COL11A1: variants seen among roughly 807,000 people sequenced by gnomAD.
COL11A1 encodes the protein collagen alpha-1(XI) chain.
A neutral mutation model predicts 265.2 loss-of-function variants in COL11A1; 74 were observed. That is an observed-to-expected ratio of 0.28 (90% CI 0.23 to 0.34). COL11A1 has a LOEUF of 0.34. Among genes scored for constraint, COL11A1 ranks in the 10% least tolerant of loss-of-function variants. COL11A1 has a pLI of 1.00. For synonymous variants in COL11A1, 816 were observed against 727.6 expected (o/e 1.12, Z -1.96); for missense variants, 2,165 against 2,263.6 (o/e 0.96, Z 0.88).
intron 58 of COL11A1, 138 bp from the exon 59 acceptor site, chr1:102,889,700 T>C (rs1651502504): frequency 4.4e-6 from 3 of 689,546 alleles, no homozygotes; most frequent in Non-Finnish European, 7.6e-6. Flanking sequence ...AATACCCTTC[T>C]GAATGAAATA....
At chr1:102,993,457 C>T (rs1188827448) in intron 28 of COL11A1, among the ~76,000 whole-genome samples, 1 of 152,072 alleles carries the variant, frequency 6.6e-6, no homozygotes, top group Non-Finnish European at 1.5e-5. Flanking sequence ...TTTAAATCAC[C>T]TCTAGAATAC....
At chr1:103,104,975 C>T (rs1226664443) in intron 1 of COL11A1, among the ~76,000 whole-genome samples, 2 of 152,138 alleles carry the variant, frequency 1.3e-5, no homozygotes, top group Admixed American at 6.5e-5. Context: ...CGATTCCTGA[C>T]AAGCTTCCAA....
rs72985788 is a variant in COL11A1, at chr1:102,992,215, A to G, written c.2341-2644T>C. On this transcript the variant is annotated intron_variant, in intron 28 of 66. Transcript: ENST00000370096. ...TTAATTAGGTATTTCCTTATAACAA[A>G]TGTCATTTTTTAGCAAGTGACGTAT... Among the ~76,000 whole-genome samples, 1,136 of 152,236 alleles carry G rather than the reference A, an allele frequency of 7.5e-3. 8 individuals carry two copies. Among genetic ancestry groups the G allele is most frequent in the African/African-American group, 0.026 (1,077 of 41,560 alleles).
Position 102,888,710 on chromosome 1 carries a change from G to GA in COL11A1, c.4554+12dup, listed in dbSNP as rs1256804074. ...CAATGCAAAATTAAATTGTCAAAGG[G>GA]AAAAGTACTTACAGTAGAGCCTTTG... On this transcript the variant is annotated intron_variant, in intron 61 of 66. Coordinates refer to ENST00000370096, the MANE Select transcript of COL11A1 (RefSeq NM_001854.4). The GA allele has an allele frequency of 1.2e-6, 2 of 1,613,788 alleles. No homozygotes were observed. The highest frequency in any genetic ancestry group is 1.7e-6 in the Non-Finnish European group (2 of 1,179,880).
chr1:103,025,839 TTTC>T, intron 6 of COL11A1: 2 of 1,613,654 alleles, frequency 1.2e-6, no homozygotes, highest in African/African-American at 1.3e-5. Flanking sequence ...CTTGATAACT[TTTC>T]TTCTTCTTGG....
At chr1:102,970,058 T>A (rs977364541) in intron 37 of COL11A1, among the ~76,000 whole-genome samples, 161 bp downstream of exon 37, 14 of 150,674 alleles carry the variant, frequency 9.3e-5, no homozygotes, top group African/African-American at 2.9e-4. Flanking sequence ...ATTTTTGTAT[T>A]TATATATATA....
At chr1:102,893,941 G>T (rs1652074363) in intron 57 of COL11A1, among the ~76,000 whole-genome samples, 1 of 151,892 alleles carries the variant, frequency 6.6e-6, no homozygotes, top group Non-Finnish European at 1.5e-5. Context: ...AGTTTTTATT[G>T]TTTAAAAAAT....
intron 41 of COL11A1, among the ~76,000 whole-genome samples, chr1:102,951,092 T>C (rs1038881438): frequency 6.6e-6 from 1 of 152,174 alleles, no homozygotes; most frequent in Non-Finnish European, 1.5e-5. Context: ...AATTATCTAG[T>C]CTCGGGCAGT....
At chr1:102,893,852 A>G (rs1009952105) in intron 57 of COL11A1, among the ~76,000 whole-genome samples, 1 of 152,168 alleles carries the variant, frequency 6.6e-6, no homozygotes, top group African/African-American at 2.4e-5. Context: ...AATGCTACCC[A>G]TATCACCCTT....
At chr1:102,967,227 C>CTTTTTTTTTTT (rs35303945) in intron 37 of COL11A1, among the ~76,000 whole-genome samples, 626 of 52,762 alleles carry the variant, frequency 0.012, 219 homozygotes, top group East Asian at 0.031. Flanking sequence ...ATAATAAATT[C>CTTTTTTTTTTT]TTTTTTTTTT....
At chr1:103,021,364 G>T (rs935634769) in intron 9 of COL11A1, among the ~76,000 whole-genome samples, 5 of 152,020 alleles carry the variant, frequency 3.3e-5, no homozygotes, top group African/African-American at 1.2e-4. Flanking sequence ...AAGTAGGAAA[G>T]CTAAAAGTCC....
chr1:102,911,754 C>A (rs1318137564), intron 54 of COL11A1, among the ~76,000 whole-genome samples: 2 of 152,130 alleles, frequency 1.3e-5, no homozygotes, highest in African/African-American at 4.8e-5. Context: ...TTCCTGAGCT[C>A]ATTTCACCTC....
intron 41 of COL11A1, among the ~76,000 whole-genome samples, chr1:102,949,413 A>C (rs2101442414): frequency 6.6e-6 from 1 of 152,172 alleles, no homozygotes; most frequent in South Asian, 2.1e-4. Context: ...TCGGGCCATA[A>C]AATTTTTCTC....
chr1:103,044,238 G>T (rs183699675), intron 4 of COL11A1, among the ~76,000 whole-genome samples: 39 of 150,396 alleles, frequency 2.6e-4, no homozygotes, highest in African/African-American at 7.8e-4. Flanking sequence ...GTAAAGGAAA[G>T]TTGCCAAAAT....
chr1:102,899,714 C>T (rs1026016059), intron 54 of COL11A1, among the ~76,000 whole-genome samples: 2 of 151,946 alleles, frequency 1.3e-5, no homozygotes, highest in African/African-American at 2.4e-5. Flanking sequence ...TTTTTCCATT[C>T]ATTTACCTTA....
chr1:103,067,726 G>T (rs1228808514), intron 4 of COL11A1, among the ~76,000 whole-genome samples: 1 of 151,400 alleles, frequency 6.6e-6, no homozygotes, highest in East Asian at 1.9e-4. Flanking sequence ...GATCTGGGGG[G>T]AAAATACAAA....
At chr1:102,956,982 G>A (rs925197654) in intron 41 of COL11A1, among the ~76,000 whole-genome samples, 3 of 151,496 alleles carry the variant, frequency 2.0e-5, no homozygotes, top group African/African-American at 4.8e-5. Context: ...GCTATGGTTA[G>A]CAAGAGATTT....
At chr1:103,089,506 T>G (rs1673141086) in intron 1 of COL11A1, among the ~76,000 whole-genome samples, 1 of 152,326 alleles carries the variant, frequency 6.6e-6, no homozygotes, top group African/African-American at 2.4e-5. Context: ...TCACATCAGC[T>G]AATATTTTTC....
intron 1 of COL11A1, 107 bp downstream of exon 1, chr1:103,107,961 CTTTTT>C: frequency 1.4e-6 from 1 of 708,020 alleles, no homozygotes; most frequent in Non-Finnish European, 2.4e-6. Flanking sequence ...AAGGGAATTG[CTTTTT>C]TTTTTTTTTC....
Sources: gnomAD v4.1 joint callset for allele counts (sites outside exome capture counted in the v4.1 genomes callset) on GRCh38, gnomAD v4.1.1 for gene constraint, MANE v1.5 for transcripts, NCBI Gene and HGNC (gene_info 2026-07-23, HGNC 2026-07-21) for gene names.